The following LRRC4C variants were observed in gnomAD, a reference collection of about 807,000 sequenced individuals.
The protein encoded by LRRC4C is leucine rich repeat containing 4C.
LRRC4C carries 5 observed loss-of-function variants against 33.6 expected under a neutral mutation model. The ratio of observed to expected loss-of-function variants is 0.15; its 90% CI spans 0.08 to 0.31. The LOEUF is 0.31. Ranked by LOEUF, LRRC4C falls within the 10% of genes least tolerant of loss-of-function variation. LRRC4C has a pLI of 1.00. For synonymous variants in LRRC4C, 329 were observed against 302.0 expected (o/e 1.09, Z -0.93); for missense variants, 560 against 796.7 (o/e 0.70, Z 3.58).
At chr11:40,842,934 T>G (rs1952978803) in intron 2 of LRRC4C, among the ~76,000 whole-genome samples, 1 of 152,142 alleles carries the variant, frequency 6.6e-6, no homozygotes. Flanking sequence ...TCTTACCCAT[T>G]AGAGCAGGGT....
Position 40,623,081 on chromosome 11 carries a change from T to TC in LRRC4C, c.-270+25060dup, listed in dbSNP as rs558914631. Among the ~76,000 whole-genome samples, 23 of 151,834 alleles carry TC rather than the reference T, an allele frequency of 1.5e-4. 1 individual carries two copies. The East Asian group carries it at 4.5e-3, about 29-fold the overall frequency. Reference sequence around the variant, plus strand: ...TGTGGCATCATGTGACTACAGGAGCTCTATGTTGTATTTTAGAATCTACCA... The same window carrying TC: ...TGTGGCATCATGTGACTACAGGAGCTCCTATGTTGTATTTTAGAATCTACCA... On this transcript the variant is annotated intron_variant, in intron 3 of 6. Coordinates refer to ENST00000528697, the MANE Select transcript of LRRC4C (RefSeq NM_001258419.2).
At chr11:40,538,290 C>A (rs890150496) in intron 3 of LRRC4C, among the ~76,000 whole-genome samples, 1 of 152,014 alleles carries the variant, frequency 6.6e-6, no homozygotes, top group African/African-American at 2.4e-5. Context: ...CCCTTCCCCC[C>A]AACCCACACA....
intron 1 of LRRC4C, among the ~76,000 whole-genome samples, chr11:40,954,866 C>T (rs1440016344): frequency 6.6e-6 from 1 of 151,724 alleles, no homozygotes; most frequent in African/African-American, 2.4e-5. Flanking sequence ...TGGACAACAG[C>T]AGGAATTACA....
chr11:41,429,963 G>T (rs1404375750), intron 1 of LRRC4C, among the ~76,000 whole-genome samples: 1 of 152,094 alleles, frequency 6.6e-6, no homozygotes, highest in Non-Finnish European at 1.5e-5. Context: ...GGTTAGAGAG[G>T]ATCAATCATG....
intron 2 of LRRC4C, among the ~76,000 whole-genome samples, chr11:40,751,556 C>A (rs999813327): frequency 6.6e-6 from 1 of 151,888 alleles, no homozygotes; most frequent in Admixed American, 6.6e-5. Flanking sequence ...AGAAGGTGGA[C>A]AATCCATACA....
intron 3 of LRRC4C, among the ~76,000 whole-genome samples, chr11:40,483,695 A>G: frequency 6.6e-6 from 1 of 152,122 alleles, no homozygotes; most frequent in African/African-American, 2.4e-5. Context: ...AAGAATCTCA[A>G]ATAAATGAAA....
At chr11:40,787,834 A>G (rs1267241961) in intron 2 of LRRC4C, among the ~76,000 whole-genome samples, 1 of 152,182 alleles carries the variant, frequency 6.6e-6, no homozygotes, top group Non-Finnish European at 1.5e-5. Context: ...ATTATCCTTT[A>G]TGCTTGCCCA....
chr11:41,185,669 C>G (rs1221791349), intron 1 of LRRC4C, among the ~76,000 whole-genome samples: 2 of 152,072 alleles, frequency 1.3e-5, no homozygotes, highest in African/African-American at 4.8e-5. Context: ...TTGAGAGAGA[C>G]CTACTTACAA....
intron 3 of LRRC4C, among the ~76,000 whole-genome samples, chr11:40,422,468 C>T (rs528378659): frequency 2.0e-5 from 3 of 151,920 alleles, no homozygotes; most frequent in African/African-American, 7.2e-5. Flanking sequence ...CTCCAAAAAC[C>T]ACTTATTAGC....
chr11:41,048,614 T>G (rs1857975670), intron 1 of LRRC4C, among the ~76,000 whole-genome samples: 1 of 152,184 alleles, frequency 6.6e-6, no homozygotes, highest in African/African-American at 2.4e-5. Context: ...CTTTGATCAT[T>G]TAGAGTATTA....
chr11:40,323,386 A>G (rs1945945974), intron 3 of LRRC4C, among the ~76,000 whole-genome samples: 1 of 152,226 alleles, frequency 6.6e-6, no homozygotes, highest in Non-Finnish European at 1.5e-5. Flanking sequence ...CTCAATGTGA[A>G]TTATGGCGCT....
chr11:40,788,297 A>C (rs1386051702), intron 2 of LRRC4C, among the ~76,000 whole-genome samples: 1 of 148,536 alleles, frequency 6.7e-6, no homozygotes, highest in Non-Finnish European at 1.5e-5. Flanking sequence ...AAAGCAACTG[A>C]ACATTTTTTT....
chr11:41,311,438 G>T (rs1303617003), intron 1 of LRRC4C, among the ~76,000 whole-genome samples: 1 of 152,114 alleles, frequency 6.6e-6, no homozygotes, highest in African/African-American at 2.4e-5. Flanking sequence ...ACAGTTTTAT[G>T]ATATTTTGAT....
At chr11:40,296,502 C>T (rs1198382489) in intron 4 of LRRC4C, among the ~76,000 whole-genome samples, 3 of 152,204 alleles carry the variant, frequency 2.0e-5, no homozygotes, top group East Asian at 3.9e-4. Context: ...TCCAGTTTTG[C>T]GATAACATTA....
intron 5 of LRRC4C, among the ~76,000 whole-genome samples, chr11:40,157,399 A>G (rs4633456): frequency 0.27 from 40,995 of 152,110 alleles, 6,188 homozygotes; most frequent in Non-Finnish European, 0.34. Context: ...AAAAACAAAG[A>G]TACATAGCTG....
intron 2 of LRRC4C, among the ~76,000 whole-genome samples, chr11:40,819,479 T>C (rs900754309): frequency 2.0e-5 from 3 of 152,176 alleles, no homozygotes; most frequent in Non-Finnish European, 2.9e-5. Context: ...TTTGTTGTAG[T>C]TGATGTTGGC....
chr11:41,418,022 A>C (rs1468529909), intron 1 of LRRC4C, among the ~76,000 whole-genome samples: 1 of 151,606 alleles, frequency 6.6e-6, no homozygotes, highest in Non-Finnish European at 1.5e-5. Context: ...CCCCACACAC[A>C]CATATGCTGG....
intron 5 of LRRC4C, among the ~76,000 whole-genome samples, chr11:40,223,755 T>G (rs2135946481): frequency 6.6e-6 from 1 of 152,300 alleles, no homozygotes; most frequent in Admixed American, 6.5e-5. Flanking sequence ...CAACCACAAT[T>G]TTATTTGCAG....
At chr11:40,589,251 T>A (rs1294355401) in intron 3 of LRRC4C, among the ~76,000 whole-genome samples, 2 of 152,166 alleles carry the variant, frequency 1.3e-5, no homozygotes, top group African/African-American at 2.4e-5. Context: ...TTGTCTCTTT[T>A]GATCTTTGTT....
Sources: allele counts gnomAD v4.1 joint callset (sites outside exome capture counted in the v4.1 genomes callset), GRCh38; gene constraint gnomAD v4.1.1; transcripts MANE v1.5; gene names NCBI Gene and HGNC (gene_info 2026-07-23, HGNC 2026-07-21).